ADORA1: variants seen among roughly 807,000 people sequenced by gnomAD.
The protein encoded by ADORA1 is adenosine receptor A1.
Under a neutral mutation model 19.9 loss-of-function variants are expected in ADORA1, and 6 were observed. The ratio of observed to expected loss-of-function variants is 0.30; its 90% CI spans 0.17 to 0.59. ADORA1 has a LOEUF of 0.59. ADORA1 is among the 20% of genes least tolerant of loss of function. ADORA1 has a pLI of 0.87. For synonymous variants in ADORA1, 194 were observed against 188.4 expected, an observed-to-expected ratio of 1.03 and a Z score of -0.24; for missense variants, 302 against 439.2, an observed-to-expected ratio of 0.69 and a Z score of 2.79.
chr1:203,145,007 C>T (rs1654815709), intron 3 of ADORA1: 1 of 152,248 alleles, frequency 6.6e-6, no homozygotes, highest in South Asian at 2.1e-4. Context: ...TGGGTTCCCT[C>T]CCAGCCATCC....
intron 3 of ADORA1, among the ~76,000 whole-genome samples, chr1:203,154,579 G>C (rs12566249): frequency 0.05 from 7,543 of 152,236 alleles, 329 homozygotes; most frequent in South Asian, 0.2. Context: ...TGGTGGGCTT[G>C]TCTGGTGTGT....
intron 3 of ADORA1, chr1:203,164,998 T>C: frequency 1.3e-6 from 2 of 1,522,764 alleles, no homozygotes; most frequent in African/African-American, 3.0e-5. Flanking sequence ...ATAAAGGAGC[T>C]CCTCTGTGAT....
intron 3 of ADORA1, among the ~76,000 whole-genome samples, chr1:203,164,433 G>A (rs372528957): frequency 1.3e-4 from 20 of 152,332 alleles, no homozygotes; most frequent in African/African-American, 4.6e-4. Flanking sequence ...GTATGCATGC[G>A]TAAATGCATG....
intron 3 of ADORA1, among the ~76,000 whole-genome samples, chr1:203,133,516 A>G (rs1361526943): frequency 6.6e-6 from 1 of 152,254 alleles, no homozygotes; most frequent in East Asian, 1.9e-4. Flanking sequence ...ATTTGACTCT[A>G]GGCCTAACAG....
intron 3 of ADORA1, among the ~76,000 whole-genome samples, chr1:203,132,387 G>C (rs1654371404): frequency 6.6e-6 from 1 of 152,174 alleles, no homozygotes; most frequent in South Asian, 2.1e-4. Context: ...CCTAGCAAGG[G>C]GGCTGTCCAT....
At chr1:203,162,468 C>T (rs1044344206) in intron 3 of ADORA1, among the ~76,000 whole-genome samples, 3 of 152,260 alleles carry the variant, frequency 2.0e-5, no homozygotes, top group Middle Eastern at 3.4e-3. Context: ...CCTCTCCTCT[C>T]TCCATAGGTC....
intron 3 of ADORA1, among the ~76,000 whole-genome samples, chr1:203,148,189 C>G (rs2102751608): frequency 6.6e-6 from 1 of 152,316 alleles, no homozygotes; most frequent in South Asian, 2.1e-4. Context: ...CCACTGCACT[C>G]AAGCCTGGGT....
At chr1:203,157,957 C>G (rs1655248205) in intron 3 of ADORA1, among the ~76,000 whole-genome samples, 1 of 152,222 alleles carries the variant, frequency 6.6e-6, no homozygotes, top group Non-Finnish European at 1.5e-5. Flanking sequence ...TCTGAAATAC[C>G]TGTGTAGTCA....
intron 3 of ADORA1, among the ~76,000 whole-genome samples, chr1:203,141,334 T>C (rs768131542): frequency 6.6e-5 from 10 of 152,182 alleles, no homozygotes; most frequent in Non-Finnish European, 1.3e-4. Context: ...ACCTCTCAGC[T>C]CTCACCATGC....
chr1:203,145,499 G>A (rs1247723093), intron 3 of ADORA1, among the ~76,000 whole-genome samples: 7 of 152,236 alleles, frequency 4.6e-5, no homozygotes, highest in Non-Finnish European at 1.0e-4. Context: ...TGTGTGCAGG[G>A]GCTGACAGAA....
intron 3 of ADORA1, among the ~76,000 whole-genome samples, chr1:203,154,052 C>T (rs35195607): frequency 6.6e-6 from 1 of 152,168 alleles, no homozygotes; most frequent in East Asian, 1.9e-4. Flanking sequence ...TCTGCCACCC[C>T]CCGGCCCTCC....
In ADORA1 at chr1:203,128,218, G is replaced by A; in HGVS notation, c.-212-60G>A. ...CCAGTCCCAGGTGCGAAACAGGGGC[G>A]CTACCTCTTTAAAAGCGTCCGGGGC... On this transcript the variant is annotated intron_variant, in intron 1 of 3. Transcript: ENST00000337894. This position sits in a 1 kb window ranked among gnomAD's most constrained non-coding sequence, Gnocchi z 5.9. The A allele has an allele frequency of 1.2e-6, 1 of 826,394 alleles. No homozygotes were observed. The highest frequency in any genetic ancestry group is 1.7e-6 in the Non-Finnish European group (1 of 604,410). The allele number at this position is 826,394 out of a possible 1,614,324, so 51.2% of individuals were successfully genotyped here. A position where few individuals can be genotyped will look rare whatever the true frequency, so the allele number is the denominator to read the frequency against.
Position 203,165,615 on chromosome 1 carries a change from C to T in ADORA1, c.696C>T (p.Ile232=), listed in dbSNP as rs200281933. 93 of 1,613,262 alleles carry T rather than the reference C, an allele frequency of 5.8e-5. No homozygotes were observed. The South Asian group carries it at 7.6e-4, about 13-fold the overall frequency. Residue 232 remains isoleucine (I), a synonymous_variant, in exon 4 of 4, where the codon ATC becomes ATT. Coordinates refer to ENST00000337894, the MANE Select transcript of ADORA1 (RefSeq NM_000674.3). The surrounding 1 kb of genome is among the most constrained non-coding windows in gnomAD (Gnocchi z 5.9). ...AGTACTATGGGAAGGAGCTGAAGAT[C>T]GCCAAGTCGCTGGCCCTCATCCTCT... ...PQKYYGKELK[I]AKSLALILFL... is the part of the protein sequence containing the mutation.
Position 203,128,484 on chromosome 1 carries a change from G to A in ADORA1, c.-58+52G>A. On this transcript the variant is annotated intron_variant, in intron 2 of 3. Transcript: ENST00000337894. The surrounding 1 kb of genome is among the most constrained non-coding windows in gnomAD (Gnocchi z 5.9). ...CACAGGGGTGGGCAGAGCCAGTCAT[G>A]GGAGACCCCTCTGTGCGTGTGTCTG... The A allele has an allele frequency of 1.6e-6, 2 of 1,237,732 alleles. No individual in the cohort carries two copies. Among genetic ancestry groups the A allele is most frequent in the Non-Finnish European group, 2.1e-6 (2 of 942,554 alleles). The allele number at this position is 1,237,732 out of a possible 1,614,324, so 76.7% of individuals were successfully genotyped here. A position where few individuals can be genotyped will look rare whatever the true frequency, so the allele number is the denominator to read the frequency against.
chr1:203,162,599 G>A (rs1655406999), intron 3 of ADORA1, among the ~76,000 whole-genome samples: 2 of 152,162 alleles, frequency 1.3e-5, no homozygotes, highest in South Asian at 4.1e-4. Context: ...GCAGAGTCTT[G>A]AAGTTCCCCT....
At chr1:203,136,852 C>G (rs766313123) in intron 3 of ADORA1, among the ~76,000 whole-genome samples, 3 of 152,224 alleles carry the variant, frequency 2.0e-5, no homozygotes, top group African/African-American at 4.8e-5. Flanking sequence ...CCTACTCATT[C>G]ATTAATTCAT....
chr1:203,151,484 T>C lies in ADORA1; in HGVS notation c.342-13777T>C, dbSNP rs1016839825. Among the ~76,000 whole-genome samples the C allele has an allele frequency of 3.9e-5, 6 of 152,266 alleles. No homozygotes were observed. The South Asian group carries it at 8.3e-4, about 21-fold the overall frequency. On this transcript the variant is annotated intron_variant, in intron 3 of 3. Coordinates refer to ENST00000337894, the MANE Select transcript of ADORA1 (RefSeq NM_000674.3). Reference sequence around the variant, plus strand: ...AAACAGAAGTAATTTTTTGTTTATCTATGTCCTTGCAACCTGTTTTGTATC... The same window carrying C: ...AAACAGAAGTAATTTTTTGTTTATCCATGTCCTTGCAACCTGTTTTGTATC...
chr1:203,160,058 C>G (rs1178666427), intron 3 of ADORA1, among the ~76,000 whole-genome samples: 7 of 152,234 alleles, frequency 4.6e-5, no homozygotes, highest in African/African-American at 1.7e-4. Flanking sequence ...TCCCCCAATC[C>G]TCACGTGTTC....
intron 3 of ADORA1, among the ~76,000 whole-genome samples, chr1:203,150,994 T>C (rs1655013964): frequency 6.6e-6 from 1 of 152,162 alleles, no homozygotes; most frequent in Admixed American, 6.5e-5. Flanking sequence ...TCCAACCTGC[T>C]TTCTAGGTCC....
Sources: allele counts gnomAD v4.1 joint callset (sites outside exome capture counted in the v4.1 genomes callset), GRCh38; gene constraint gnomAD v4.1.1; non-coding constraint Gnocchi (gnomAD v3.1); transcripts MANE v1.5; gene names NCBI Gene and HGNC (gene_info 2026-07-23, HGNC 2026-07-21).